The following LHFPL2 variants were observed in gnomAD, a reference collection of about 807,000 sequenced individuals.
LHFPL2 encodes LHFPL tetraspan subfamily member 2.
Under a neutral mutation model 17.5 loss-of-function variants are expected in LHFPL2, and 7 were observed. The ratio of observed to expected loss-of-function variants is 0.40; its 90% CI spans 0.23 to 0.75. The LOEUF (loss-of-function observed/expected upper bound fraction) is 0.75, where lower values mean the gene tolerates loss of function less well. Among genes scored for constraint, LHFPL2 ranks in the 30% least tolerant of loss-of-function variants. The pLI, the probability that LHFPL2 is intolerant of heterozygous loss-of-function variation, is 0.37. For missense variants in LHFPL2, 241 were observed against 294.8 expected (o/e 0.82, Z 1.34); for synonymous variants, 134 against 116.2 (o/e 1.15, Z -0.99).
chr5:78,531,446 A>T (rs1342923596), intron 3 of LHFPL2, among the ~76,000 whole-genome samples: 3 of 151,990 alleles, frequency 2.0e-5, no homozygotes, highest in Non-Finnish European at 4.4e-5. Flanking sequence ...AAAATTCACA[A>T]TGAACAAAAC....
intron 3 of LHFPL2, among the ~76,000 whole-genome samples, chr5:78,561,521 G>C (rs1756725837): frequency 6.6e-6 from 1 of 152,188 alleles, no homozygotes; most frequent in Admixed American, 6.5e-5. Context: ...CCCACCTTGT[G>C]GGGTCATCCT....
At chr5:78,543,752 C>T (rs1328588200) in intron 3 of LHFPL2, among the ~76,000 whole-genome samples, 1 of 152,202 alleles carries the variant, frequency 6.6e-6, no homozygotes, top group Admixed American at 6.5e-5. Context: ...CAGGAACACA[C>T]AGCTGGAGGA....
chr5:78,645,332 G>A (rs2112533706), intron 1 of LHFPL2, among the ~76,000 whole-genome samples: 1 of 151,858 alleles, frequency 6.6e-6, no homozygotes, highest in South Asian at 2.1e-4. Context: ...GCCCAGAACA[G>A]AGCCTGGCCC....
chr5:78,610,420 C>A (rs1003379935), intron 2 of LHFPL2, among the ~76,000 whole-genome samples: 1 of 152,122 alleles, frequency 6.6e-6, no homozygotes, highest in African/African-American at 2.4e-5. Context: ...GCCACTGGGC[C>A]CCCAGGAGAG....
intron 3 of LHFPL2, among the ~76,000 whole-genome samples, chr5:78,516,739 G>A (rs189631109): frequency 1.3e-3 from 203 of 152,250 alleles, no homozygotes; most frequent in African/African-American, 4.6e-3. Flanking sequence ...ATGCTAGTTT[G>A]GATGTCCAAG....
intron 2 of LHFPL2, among the ~76,000 whole-genome samples, chr5:78,613,974 A>C (rs1429880562): frequency 6.6e-6 from 1 of 152,224 alleles, no homozygotes; most frequent in Non-Finnish European, 1.5e-5. Context: ...CCTGGGGCTT[A>C]GGACACCCTA....
intron 2 of LHFPL2, among the ~76,000 whole-genome samples, chr5:78,566,499 T>C (rs963657435): frequency 6.6e-6 from 1 of 152,042 alleles, no homozygotes; most frequent in African/African-American, 2.4e-5. Context: ...AGTCTCCCTC[T>C]GTCACCCAGG....
intron 2 of LHFPL2, among the ~76,000 whole-genome samples, chr5:78,584,842 C>G (rs1743305085): frequency 6.6e-6 from 1 of 152,110 alleles, no homozygotes; most frequent in African/African-American, 2.4e-5. Flanking sequence ...GCTCTGTTTA[C>G]CTAAGCAAGC....
At chr5:78,644,371 A>T in intron 1 of LHFPL2, 1 of 1,009,562 alleles carries the variant, frequency 9.9e-7, no homozygotes, top group Non-Finnish European at 1.5e-6. Flanking sequence ...TTAGCTCACT[A>T]TGCAGCAATA....
intron 3 of LHFPL2, among the ~76,000 whole-genome samples, chr5:78,530,764 T>C (rs1476830010): frequency 6.6e-6 from 1 of 152,226 alleles, no homozygotes; most frequent in East Asian, 1.9e-4. Flanking sequence ...TATGCAAATA[T>C]GAAGATATGA....
chr5:78,516,122 T>G (rs540262761), intron 3 of LHFPL2, among the ~76,000 whole-genome samples: 1 of 152,066 alleles, frequency 6.6e-6, no homozygotes, highest in Non-Finnish European at 1.5e-5. Context: ...TAAAAAAAAA[T>G]GTACCAAAGG....
intron 3 of LHFPL2, among the ~76,000 whole-genome samples, chr5:78,534,811 C>T (rs1425109029): frequency 3.3e-5 from 5 of 152,180 alleles, no homozygotes; most frequent in African/African-American, 9.7e-5. Flanking sequence ...GCCACCTTGC[C>T]GTCCTGGCAA....
At chr5:78,621,484 G>A (rs1250418411) in intron 2 of LHFPL2, among the ~76,000 whole-genome samples, 8 of 151,986 alleles carry the variant, frequency 5.3e-5, no homozygotes, top group African/African-American at 1.2e-4. Flanking sequence ...CTCTGTTTGT[G>A]GCAGTCATGC....
At chr5:78,498,472 C>T (rs1282682920) in intron 4 of LHFPL2, among the ~76,000 whole-genome samples, 1 of 152,116 alleles carries the variant, frequency 6.6e-6, no homozygotes, top group Non-Finnish European at 1.5e-5. Context: ...TCTGGCAGCC[C>T]CTAGCAGCTA....
intron 2 of LHFPL2, among the ~76,000 whole-genome samples, chr5:78,581,667 T>A (rs1261033624): frequency 6.6e-6 from 1 of 152,234 alleles, no homozygotes; most frequent in African/African-American, 2.4e-5. Flanking sequence ...ATAAGCTTTT[T>A]GATGTGCTGT....
chr5:78,582,767 T>C, intron 2 of LHFPL2, among the ~76,000 whole-genome samples: 1 of 152,182 alleles, frequency 6.6e-6, no homozygotes, highest in Non-Finnish European at 1.5e-5. Flanking sequence ...ATTCTGTTGA[T>C]TTGGGGTGTA....
At chr5:78,571,493 C>T (rs1320190827) in intron 2 of LHFPL2, among the ~76,000 whole-genome samples, 2 of 152,106 alleles carry the variant, frequency 1.3e-5, no homozygotes, top group Non-Finnish European at 2.9e-5. Flanking sequence ...AATAATTATT[C>T]GCTTGTCTAA....
At chr5:78,503,858 T>C (rs1395199401) in intron 4 of LHFPL2, among the ~76,000 whole-genome samples, 1 of 152,160 alleles carries the variant, frequency 6.6e-6, no homozygotes, top group Non-Finnish European at 1.5e-5. Flanking sequence ...TGCTTCTCTA[T>C]GGTACAGTTT....
chr5:78,497,082 T>C (rs963857096), intron 4 of LHFPL2, among the ~76,000 whole-genome samples: 1 of 152,250 alleles, frequency 6.6e-6, no homozygotes, highest in African/African-American at 2.4e-5. Flanking sequence ...GTTCTTCACC[T>C]TGTCCACCTG....
Sources: gnomAD v4.1 joint callset for allele counts (sites outside exome capture counted in the v4.1 genomes callset) on GRCh38, gnomAD v4.1.1 for gene constraint, MANE v1.5 for transcripts, NCBI Gene and HGNC (gene_info 2026-07-23, HGNC 2026-07-21) for gene names.